Variants in LDLRAD3 observed in about 807,000 individuals in gnomAD.
LDLRAD3 encodes low-density lipoprotein receptor class A domain-containing protein 3.
A neutral mutation model predicts 29.4 loss-of-function variants in LDLRAD3; 20 were observed. The observed-to-expected ratio is 0.68, with a 90% CI of 0.48 to 0.99. The LOEUF is 0.99. LDLRAD3 is among the 50% of genes least tolerant of loss of function. The pLI is 0.00. For synonymous variants in LDLRAD3, 157 were observed against 192.7 expected, an observed-to-expected ratio of 0.81 and a Z score of 1.53; for missense variants, 420 against 454.3, an observed-to-expected ratio of 0.92 and a Z score of 0.69.
Position 36,229,609 on chromosome 11 carries a change from TGTCAGGTCA to T in LDLRAD3, c.*213_*221del. ...GACATGATCTGTTGTGCGTCTTTTC[TGTCAGGTCA>T]CTCTTCCCTTGGGACCCGAGATCAC... On this transcript the variant is annotated 3_prime_UTR_variant, in exon 6 of 6. Transcript: ENST00000315571. 1 of 526,600 alleles carries T rather than the reference TGTCAGGTCA, an allele frequency of 1.9e-6. No individual in the cohort carries two copies. Among genetic ancestry groups the T allele is most frequent in the Non-Finnish European group, 3.4e-6 (1 of 296,378 alleles). The allele number at this position is 526,600 out of a possible 1,614,324, so 32.6% of individuals were successfully genotyped here.
chr11:36,105,521 T>A (rs7943556), intron 4 of LDLRAD3, among the ~76,000 whole-genome samples: 3 of 151,900 alleles, frequency 2.0e-5, no homozygotes, highest in Admixed American at 1.3e-4. Context: ...ATGTTACTTG[T>A]GAAGATGAGG....
At chr11:36,098,901 T>G (rs1023151008) in intron 4 of LDLRAD3, among the ~76,000 whole-genome samples, 1 of 152,198 alleles carries the variant, frequency 6.6e-6, no homozygotes, top group East Asian at 1.9e-4. Flanking sequence ...TTTTTCTTTT[T>G]TAAGTTTACA....
At chr11:35,947,101 C>A (rs2133120904) in intron 1 of LDLRAD3, among the ~76,000 whole-genome samples, 1 of 152,230 alleles carries the variant, frequency 6.6e-6, no homozygotes, top group African/African-American at 2.4e-5. Context: ...GGTTTAGACA[C>A]CTTTCAGCCA....
chr11:36,208,773 A>G (rs79377351), intron 4 of LDLRAD3, among the ~76,000 whole-genome samples: 6 of 30,148 alleles, frequency 2.0e-4, no homozygotes, highest in Non-Finnish European at 3.3e-4. Flanking sequence ...AATAGGGGGG[A>G]AAAAACACCA....
At chr11:36,124,439 A>AT (rs1853805722) in intron 4 of LDLRAD3, among the ~76,000 whole-genome samples, 1 of 152,220 alleles carries the variant, frequency 6.6e-6, no homozygotes, top group Non-Finnish European at 1.5e-5. Context: ...ATATAAGGGT[A>AT]GTGAGACCCA....
intron 1 of LDLRAD3, among the ~76,000 whole-genome samples, chr11:35,979,235 C>T (rs1044607876): frequency 1.1e-4 from 17 of 152,092 alleles, no homozygotes; most frequent in African/African-American, 1.9e-4. Context: ...GAGTAGGGCC[C>T]GGGCTCCTAG....
At chr11:36,096,183 C>T (rs762953183) in intron 3 of LDLRAD3, among the ~76,000 whole-genome samples, 43 of 152,314 alleles carry the variant, frequency 2.8e-4, no homozygotes, top group Non-Finnish European at 5.1e-4. Flanking sequence ...TCAAATCAAA[C>T]TTTTGGAATT....
chr11:36,226,750 T>C (rs544711692), intron 4 of LDLRAD3, among the ~76,000 whole-genome samples: 4 of 152,206 alleles, frequency 2.6e-5, no homozygotes, highest in Non-Finnish European at 4.4e-5. Context: ...AAAATTGCCT[T>C]TCCTGGAAAT....
At chr11:35,985,196 G>T (rs113771825) in intron 1 of LDLRAD3, among the ~76,000 whole-genome samples, 4,503 of 152,288 alleles carry the variant, frequency 0.03, 112 homozygotes, top group Middle Eastern at 0.071. Context: ...TCCCTGAAGT[G>T]CTGGGATTAT....
chr11:36,003,273 C>T (rs1350884824), intron 1 of LDLRAD3, among the ~76,000 whole-genome samples: 2 of 152,164 alleles, frequency 1.3e-5, no homozygotes, highest in African/African-American at 2.4e-5. Context: ...CTGGAAGCTG[C>T]CAGGTTCTGT....
At chr11:36,122,948 G>GA (rs1853781048) in intron 4 of LDLRAD3, among the ~76,000 whole-genome samples, 1 of 152,186 alleles carries the variant, frequency 6.6e-6, no homozygotes. Flanking sequence ...AGCTGAGGTG[G>GA]GAGGATTGTT....
chr11:36,013,550 A>G (rs1188124418), intron 1 of LDLRAD3, among the ~76,000 whole-genome samples: 2 of 150,962 alleles, frequency 1.3e-5, no homozygotes, highest in African/African-American at 2.4e-5. Context: ...GAGTGAGAAC[A>G]TGTGGTGTTT....
chr11:36,022,179 AGGGT>A (rs1025996932), intron 1 of LDLRAD3, among the ~76,000 whole-genome samples: 1 of 152,206 alleles, frequency 6.6e-6, no homozygotes, highest in Non-Finnish European at 1.5e-5. Context: ...TATTCAGTTC[AGGGT>A]GGATCCTTTT....
At chr11:36,087,580 G>A (rs1853214504) in intron 3 of LDLRAD3, among the ~76,000 whole-genome samples, 1 of 152,146 alleles carries the variant, frequency 6.6e-6, no homozygotes, top group African/African-American at 2.4e-5. Context: ...GTTCTGTTTG[G>A]TGATGTCTTG....
rs111977192 is a variant in LDLRAD3 at position 35,952,236 on chromosome 11, C to G, written c.46+8092C>G. ...TGGGTCTGCGTGACTTAGACTTGGT[C>G]TCCTAACCACTGGCCCTGCTGCTTT... On this transcript the variant is annotated intron_variant, in intron 1 of 5. Transcript: ENST00000315571. Among the ~76,000 whole-genome samples the G allele has an allele frequency of 7.2e-5, 11 of 152,192 alleles. No individual in the cohort carries two copies. The East Asian group carries it at 2.1e-3, about 29-fold the overall frequency.
chr11:36,061,908 C>T (rs1852706336), intron 2 of LDLRAD3, among the ~76,000 whole-genome samples: 1 of 151,936 alleles, frequency 6.6e-6, no homozygotes. Context: ...TTAATTGTTA[C>T]TGGATAAAAT....
chr11:36,196,587 T>C (rs1278575804), intron 4 of LDLRAD3: 4 of 152,230 alleles, frequency 2.6e-5, no homozygotes, highest in Middle Eastern at 3.2e-3. Context: ...TCTCCTGCTT[T>C]AACCTGGAAT....
intron 2 of LDLRAD3, among the ~76,000 whole-genome samples, chr11:36,062,785 G>GT (rs1852724289): frequency 1.3e-5 from 2 of 152,268 alleles, no homozygotes; most frequent in African/African-American, 4.8e-5. Context: ...CACCACGATT[G>GT]TAAGTTTCCT....
In LDLRAD3 at chr11:36,213,664, G is replaced by A. The variant is rs1855313749; in HGVS notation, c.455-13421G>A. ...CCCCAGGGCCGCTCCCACCCTGGGA[G>A]TGCCATTGGGGTCAGGCCTGCTCCC... On this transcript the variant is annotated intron_variant, in intron 4 of 5. Transcript: ENST00000315571. This position sits in a 1 kb window ranked among gnomAD's most constrained non-coding sequence, Gnocchi z 4.1. Among the ~76,000 whole-genome samples the A allele has an allele frequency of 2.0e-5, 3 of 152,204 alleles. No individual in the cohort carries two copies. The highest frequency in any genetic ancestry group is 7.2e-5 in the African/African-American group (3 of 41,458).
Sources: allele counts gnomAD v4.1 joint callset (sites outside exome capture counted in the v4.1 genomes callset), GRCh38; gene constraint gnomAD v4.1.1; non-coding constraint Gnocchi (gnomAD v3.1); transcripts MANE v1.5; gene names NCBI Gene and HGNC (gene_info 2026-07-23, HGNC 2026-07-21).